The following ABL2 variants were observed in gnomAD, a reference collection of about 807,000 sequenced individuals.
The protein encoded by ABL2 is ABL proto-oncogene 2, non-receptor tyrosine kinase, also known as tyrosine-protein kinase ABL2.
Under a neutral mutation model 107.7 loss-of-function variants are expected in ABL2, and 49 were observed. The observed-to-expected ratio is 0.45, with a 90% confidence interval of 0.36 to 0.58. ABL2 has a LOEUF of 0.58. ABL2 is among the 20% of genes least tolerant of loss of function. The pLI is 0.00. For synonymous variants in ABL2, 549 were observed against 548.6 expected, an observed-to-expected ratio of 1.00 and a Z score of -0.01; for missense variants, 1,245 against 1,457.0, an observed-to-expected ratio of 0.85 and a Z score of 2.37.
Position 179,229,632 on chromosome 1 carries a change from A to ACGCCAC in ABL2, c.-236_-235insGTGGCG. 2.2e-6 allele frequency: 1 copy of ACGCCAC among 451,262 alleles called. No individual in the cohort carries two copies. The allele number at this position is 451,262 out of a possible 1,614,324, so 28.0% of individuals were successfully genotyped here. A position where few individuals can be genotyped will look rare whatever the true frequency, so the allele number is the denominator to read the frequency against. The stretch of plus-strand genomic sequence containing the variant: ...CTCCTGTCGCGGCTCCGCGCCCCCA[A>ACGCCAC]CGCCGCCGCCGCCGCCGCCGCCACC... On this transcript the variant is annotated 5_prime_UTR_variant, in exon 1 of 12. Transcript: ENST00000502732.
At chr1:179,142,296 T>G (rs1464695654) in intron 1 of ABL2, among the ~76,000 whole-genome samples, 1 of 152,198 alleles carries the variant, frequency 6.6e-6, no homozygotes, top group African/African-American at 2.4e-5. Flanking sequence ...TTTTTTCTAT[T>G]GCTACAGTTG....
rs140945067 is a variant in ABL2, at chr1:179,108,248, T to C, written c.3019A>G (p.Thr1007Ala). ...GTGGACTGTCCTGCAGTTAGGGCAG[T>C]TGGCTCTTCTGTAGGGTCTGAGCAG... is the stretch of plus-strand genomic sequence containing the variant. ...SICSDPTEEPTALTAGQSTSE... is the reference protein window; with the variant it reads ...SICSDPTEEPAALTAGQSTSE... The change falls in exon 12 of 12, where the codon ACT (threonine) becomes GCT (alanine). Residue 1007 changes from threonine to alanine, a missense_variant. Thr to Ala is a moderately conservative substitution (Grantham distance 58). Coordinates refer to ENST00000502732, the MANE Select transcript of ABL2 (RefSeq NM_007314.4). 38 of 1,614,060 alleles carry C rather than the reference T, an allele frequency of 2.4e-5. 1 individual carries two copies. The highest frequency in any genetic ancestry group is 1.6e-4 in the Middle Eastern group (1 of 6,084).
intron 1 of ABL2, among the ~76,000 whole-genome samples, chr1:179,169,526 C>T (rs1052315779): frequency 4.7e-5 from 7 of 149,042 alleles, no homozygotes; most frequent in African/African-American, 1.2e-4. Context: ...CCAGCCTGGG[C>T]GACAGAGCAA....
At chr1:179,155,817 G>A (rs1487983276) in intron 1 of ABL2, among the ~76,000 whole-genome samples, 2 of 151,658 alleles carry the variant, frequency 1.3e-5, no homozygotes, top group South Asian at 2.1e-4. Flanking sequence ...TAGTATGACT[G>A]GACAATTTCC....
chr1:179,171,111 A>G (rs1260428685), intron 1 of ABL2, among the ~76,000 whole-genome samples: 1 of 152,276 alleles, frequency 6.6e-6, no homozygotes, highest in Non-Finnish European at 1.5e-5. Flanking sequence ...TAATAAAAAC[A>G]GAAATCCTCA....
Position 179,229,498 on chromosome 1 carries a change from G to C in ABL2, c.-101C>G, listed in dbSNP as rs1188668724. On this transcript the variant is annotated 5_prime_UTR_variant, in exon 1 of 12. Transcript: ENST00000502732. Reference sequence around the variant, plus strand: ...GCGCTGCTCCGGTCTCTCCCTCCCAGCCCAGGCCCTGGCCCTGAGTGGCTG... The same window carrying C: ...GCGCTGCTCCGGTCTCTCCCTCCCACCCCAGGCCCTGGCCCTGAGTGGCTG... The C allele has an allele frequency of 7.7e-7, 1 of 1,292,756 alleles. No individual in the cohort carries two copies. The highest frequency in any genetic ancestry group is 1.7e-5 in the South Asian group (1 of 57,784). 80.1% of individuals were successfully genotyped at this position (1,292,756 alleles called of 1,614,324 possible).
intron 1 of ABL2, among the ~76,000 whole-genome samples, chr1:179,146,696 G>C (rs767167594): frequency 3.3e-5 from 5 of 152,010 alleles, no homozygotes; most frequent in African/African-American, 9.7e-5. Flanking sequence ...CACAAGATCT[G>C]ATGATTTTAT....
intron 1 of ABL2, among the ~76,000 whole-genome samples, chr1:179,190,789 GT>G (rs918652172): frequency 1.3e-5 from 2 of 151,884 alleles, no homozygotes; most frequent in South Asian, 2.1e-4. Context: ...ATTTTAGGAG[GT>G]TTTTTTTGGC....
intron 1 of ABL2, among the ~76,000 whole-genome samples, chr1:179,169,051 G>A (rs1011264211): frequency 5.3e-5 from 8 of 152,164 alleles, no homozygotes; most frequent in African/African-American, 1.7e-4. Flanking sequence ...ATTGGAGAGT[G>A]TTAAAAGACC....
Position 179,193,994 on chromosome 1 carries a change from G to A in ABL2, c.157+35247C>T, listed in dbSNP as rs140515948. Among the ~76,000 whole-genome samples the A allele has an allele frequency of 8.3e-3, 1,257 of 152,166 alleles. 14 individuals carry two copies. Among genetic ancestry groups the A allele is most frequent in the African/African-American group, 0.029 (1,201 of 41,530 alleles). ...AATTTTTAAGTGATAGCAACAACTG[G>A]ATTTTCTTCCTAAGTACTGGAGTAT... is the stretch of plus-strand genomic sequence containing the variant. On this transcript the variant is annotated intron_variant, in intron 1 of 11. Transcript: ENST00000502732.
intron 3 of ABL2, among the ~76,000 whole-genome samples, chr1:179,130,432 T>C (rs116036635): frequency 6.6e-6 from 1 of 152,240 alleles, no homozygotes; most frequent in Non-Finnish European, 1.5e-5. Context: ...TTAGTTCAGC[T>C]AATAGTTTTA....
Position 179,206,955 on chromosome 1 carries a change from G to A in ABL2, c.157+22286C>T, listed in dbSNP as rs540575391. The stretch of plus-strand genomic sequence containing the variant: ...GGAAAACTGAACAGATGTACAGAGC[G>A]AAAAAGAGATGCCAAACCTTGCAGT... On this transcript the variant is annotated intron_variant, in intron 1 of 11. Coordinates refer to ENST00000502732, the MANE Select transcript of ABL2 (RefSeq NM_007314.4). Among the ~76,000 whole-genome samples, 87 of 152,244 alleles carry A rather than the reference G, an allele frequency of 5.7e-4. 2 individuals carry two copies. The highest frequency in any genetic ancestry group is 6.8e-3 in the Middle Eastern group (2 of 294).
rs1248715990 is a variant in ABL2, at chr1:179,229,646, G to GCCGCCGCCA, written c.-258_-250dup. 53 of 495,966 alleles carry GCCGCCGCCA rather than the reference G, an allele frequency of 1.1e-4. No individual in the cohort carries two copies. The highest frequency in any genetic ancestry group is 3.3e-4 in the African/African-American group (16 of 47,984). 30.7% of individuals were successfully genotyped at this position (495,966 alleles called of 1,614,324 possible). ...CCGCGCCCCCAACGCCGCCGCCGCC[G>GCCGCCGCCA]CCGCCGCCACCGCCGCCGCCATCTT... On this transcript the variant is annotated 5_prime_UTR_variant, in exon 1 of 12. Transcript: ENST00000502732.
intron 3 of ABL2, among the ~76,000 whole-genome samples, chr1:179,129,937 CTTTTGT>C (rs1334706551): frequency 6.6e-6 from 1 of 151,862 alleles, no homozygotes; most frequent in African/African-American, 2.4e-5. Flanking sequence ...TACACCTATT[CTTTTGT>C]TTTTGTTTTT....
chr1:179,206,490 A>G (rs1661973531), intron 1 of ABL2, among the ~76,000 whole-genome samples: 2 of 148,554 alleles, frequency 1.3e-5, no homozygotes, highest in Non-Finnish European at 3.0e-5. Flanking sequence ...ATGAAATGCT[A>G]TGCATCCATT....
chr1:179,190,097 G>A (rs766373918), intron 1 of ABL2, among the ~76,000 whole-genome samples: 5 of 151,982 alleles, frequency 3.3e-5, no homozygotes, highest in African/African-American at 4.8e-5. Context: ...GATTACAGGC[G>A]TGAGCCACCG....
chr1:179,105,217 T>C lies in ABL2; in HGVS notation c.*2501A>G. On this transcript the variant is annotated 3_prime_UTR_variant, in exon 12 of 12. Coordinates refer to ENST00000502732, the MANE Select transcript of ABL2 (RefSeq NM_007314.4). ...CCCCCACCCCCTACCCTTCAGATTG[T>C]TGTTGGGCAAGAAAACCAGGGAGCC... The C allele has an allele frequency of 4.3e-6, 1 of 231,088 alleles. No individual in the cohort carries two copies. The highest frequency in any genetic ancestry group is 8.6e-6 in the Non-Finnish European group (1 of 116,788). The allele number at this position is 231,088 out of a possible 1,614,324, so 14.3% of individuals were successfully genotyped here.
At chr1:179,166,951 G>A (rs1254620857) in intron 1 of ABL2, among the ~76,000 whole-genome samples, 3 of 152,136 alleles carry the variant, frequency 2.0e-5, no homozygotes, top group African/African-American at 7.2e-5. Context: ...TATGCTGTTG[G>A]TGGGAATGTA....
intron 8 of ABL2, 199 bp downstream of exon 8, chr1:179,117,133 C>T: frequency 4.9e-6 from 3 of 613,358 alleles, no homozygotes; most frequent in Non-Finnish European, 5.6e-6. Context: ...CCACACCAGG[C>T]CTATACTTCT....
Sources: gnomAD v4.1 joint callset for allele counts (sites outside exome capture counted in the v4.1 genomes callset) on GRCh38, gnomAD v4.1.1 for gene constraint, MANE v1.5 for transcripts, NCBI Gene and HGNC (gene_info 2026-07-23, HGNC 2026-07-21) for gene names.